The following CTNNA3 variants were observed in gnomAD, a reference collection of about 807,000 sequenced individuals.
The protein encoded by CTNNA3 is catenin alpha-3.
In CTNNA3, 76 loss-of-function variants were observed where a neutral mutation model predicts 95.7. The observed-to-expected ratio is 0.79, with a 90% CI of 0.66 to 0.96. CTNNA3 has a LOEUF of 0.96. Ranked by LOEUF, CTNNA3 falls within the 40% of genes least tolerant of loss-of-function variation. CTNNA3 has a pLI of 0.00. For synonymous variants in CTNNA3, 431 were observed against 374.4 expected (o/e 1.15, Z -1.74); for missense variants, 1,191 against 1,089.8 (o/e 1.09, Z -1.31).
At chr10:67,716,323 T>C (rs934544895) in intron 1 of CTNNA3, among the ~76,000 whole-genome samples, 6 of 152,106 alleles carry the variant, frequency 3.9e-5, no homozygotes, top group Admixed American at 3.3e-4. Context: ...TTTAAATAAG[T>C]TACAACTTTT....
At chr10:66,152,512 TAAC>T (rs1434889544) in intron 13 of CTNNA3, among the ~76,000 whole-genome samples, 16 of 151,854 alleles carry the variant, frequency 1.1e-4, no homozygotes, top group Non-Finnish European at 2.2e-4. Flanking sequence ...TAAAGAAAAC[TAAC>T]AACATGTATT....
chr10:67,453,940 C>T (rs1169706324), intron 5 of CTNNA3, among the ~76,000 whole-genome samples: 1 of 152,138 alleles, frequency 6.6e-6, no homozygotes, highest in Non-Finnish European at 1.5e-5. Context: ...TACTTAAAAA[C>T]AACAGACACT....
chr10:67,661,309 AGAAG>A (rs999352873), intron 1 of CTNNA3, among the ~76,000 whole-genome samples: 10 of 151,604 alleles, frequency 6.6e-5, no homozygotes, highest in Non-Finnish European at 1.5e-4. Flanking sequence ...GAGGGAAGAA[AGAAG>A]GAAGGAAGGA....
At chr10:67,306,831 C>G (rs947631747) in intron 5 of CTNNA3, among the ~76,000 whole-genome samples, 14 of 151,970 alleles carry the variant, frequency 9.2e-5, no homozygotes, top group African/African-American at 3.4e-4. Flanking sequence ...ACTTCTAGAT[C>G]CCATCCATCC....
chr10:66,742,091 G>C (rs1849344923), intron 9 of CTNNA3, among the ~76,000 whole-genome samples: 1 of 152,162 alleles, frequency 6.6e-6, no homozygotes, highest in South Asian at 2.1e-4. Context: ...CGGAACAGAG[G>C]CATATTTCTC....
rs1479186206 is a variant in CTNNA3, at chr10:66,927,171, C to T, written c.1048-151647G>A. ...AGTATAATCAATTTAAAGGGCTCAACCAGCTCACCTGGCTATACCTTGACC... is the reference window on the plus strand; with the variant it reads ...AGTATAATCAATTTAAAGGGCTCAATCAGCTCACCTGGCTATACCTTGACC... On this transcript the variant is annotated intron_variant, in intron 7 of 17. Coordinates refer to ENST00000433211, the MANE Select transcript of CTNNA3 (RefSeq NM_013266.4). This position sits in a 1 kb window ranked among gnomAD's most constrained non-coding sequence, Gnocchi z 4.7. 1 of 1,614,130 alleles carries T rather than the reference C, an allele frequency of 6.2e-7. No individual in the cohort carries two copies. Among genetic ancestry groups the T allele is most frequent in the Non-Finnish European group, 8.5e-7 (1 of 1,180,020 alleles).
At chr10:66,620,514 A>C (rs1844708082) in intron 10 of CTNNA3, among the ~76,000 whole-genome samples, 1 of 152,228 alleles carries the variant, frequency 6.6e-6, no homozygotes, top group African/African-American at 2.4e-5. Context: ...TCAGATTGAA[A>C]AGGCATTTTA....
chr10:66,874,573 G>A (rs78896361), intron 7 of CTNNA3, among the ~76,000 whole-genome samples: 307 of 152,208 alleles, frequency 2.0e-3, no homozygotes, highest in Non-Finnish European at 3.4e-3. Flanking sequence ...ATAAATATAC[G>A]TAAGAAAAAA....
chr10:66,890,304 C>T (rs1265571671), intron 7 of CTNNA3, among the ~76,000 whole-genome samples: 1 of 151,186 alleles, frequency 6.6e-6, no homozygotes, highest in Non-Finnish European at 1.5e-5. Flanking sequence ...ATAATATTAC[C>T]TAAGTAGAGA....
rs537843933 is a variant in CTNNA3 at position 66,895,054 on chromosome 10, C to CAAAA, written c.1048-119534_1048-119531dup. On this transcript the variant is annotated intron_variant, in intron 7 of 17. Coordinates refer to ENST00000433211, the MANE Select transcript of CTNNA3 (RefSeq NM_013266.4). ...ATAGAGAAAAAGTGAAACAAATAAA[C>CAAAA]AAAAAAAAAAAAAAAAAAGAAAGTG... Among the ~76,000 whole-genome samples the CAAAA allele has an allele frequency of 8.6e-4, 99 of 115,542 alleles. 3 individuals are homozygous for CAAAA. Among genetic ancestry groups the CAAAA allele is most frequent in the African/African-American group, 2.1e-3 (61 of 29,724 alleles). The allele number at this position is 115,542 out of a possible 152,430, so 75.8% of individuals were successfully genotyped here. A position where few individuals can be genotyped will look rare whatever the true frequency, so the allele number is the denominator to read the frequency against.
intron 5 of CTNNA3, among the ~76,000 whole-genome samples, chr10:67,249,258 T>TA (rs1181815524): frequency 6.6e-6 from 1 of 152,072 alleles, no homozygotes; most frequent in Non-Finnish European, 1.5e-5. Context: ...AATTACTCAT[T>TA]AAAAAATGGG....
chr10:66,865,355 TTAAAAAGACATAAATA>T (rs1844132205), intron 7 of CTNNA3, among the ~76,000 whole-genome samples: 1 of 152,050 alleles, frequency 6.6e-6, no homozygotes, highest in Non-Finnish European at 1.5e-5. Context: ...TATCATCATG[TTAAAAAGACATAAATA>T]TAAAGGTGCC....
chr10:66,113,270 A>T (rs990794488), intron 13 of CTNNA3, among the ~76,000 whole-genome samples: 2 of 151,948 alleles, frequency 1.3e-5, no homozygotes. Context: ...TTCAATTTTC[A>T]CCTATAGCAT....
At chr10:66,511,243 C>T (rs1359458237) in intron 11 of CTNNA3, among the ~76,000 whole-genome samples, 1 of 151,582 alleles carries the variant, frequency 6.6e-6, no homozygotes, top group African/African-American at 2.4e-5. Flanking sequence ...TCTCATTGTT[C>T]ATTTCTGATA....
intron 10 of CTNNA3, among the ~76,000 whole-genome samples, chr10:66,552,406 A>C (rs1402976220): frequency 2.0e-5 from 3 of 152,144 alleles, no homozygotes; most frequent in Non-Finnish European, 4.4e-5. Context: ...AGAGCATTTC[A>C]AACACACACA....
chr10:67,136,973 A>AGT (rs1015336662), intron 7 of CTNNA3, among the ~76,000 whole-genome samples: 1 of 152,214 alleles, frequency 6.6e-6, no homozygotes, highest in African/African-American at 2.4e-5. Flanking sequence ...CCAGGCAAGA[A>AGT]GTGACTCCAA....
intron 5 of CTNNA3, among the ~76,000 whole-genome samples, chr10:67,506,848 T>C (rs1239187863): frequency 6.6e-6 from 1 of 152,220 alleles, no homozygotes; most frequent in Admixed American, 6.5e-5. Context: ...TGACTAAGCT[T>C]GCTTTTCTGA....
At chr10:66,175,104 G>C (rs540021601) in intron 13 of CTNNA3, among the ~76,000 whole-genome samples, 3 of 151,972 alleles carry the variant, frequency 2.0e-5, no homozygotes, top group Non-Finnish European at 4.4e-5. Context: ...GAAGCTACAT[G>C]ATATCTTATT....
At chr10:65,939,408 C>T (rs971936394) in intron 17 of CTNNA3, among the ~76,000 whole-genome samples, 2 of 152,194 alleles carry the variant, frequency 1.3e-5, no homozygotes, top group Non-Finnish European at 2.9e-5. Context: ...AGGTCCTCCA[C>T]AGACCCTTTA....
Sources: gnomAD v4.1 joint callset for allele counts (sites outside exome capture counted in the v4.1 genomes callset) on GRCh38, gnomAD v4.1.1 for gene constraint, Gnocchi (gnomAD v3.1) non-coding constraint, MANE v1.5 for transcripts, NCBI Gene and HGNC (gene_info 2026-07-23, HGNC 2026-07-21) for gene names.